Variants in KIF9 observed in about 807,000 individuals in gnomAD.
KIF9 encodes kinesin family member 9, also known as kinesin-like protein KIF9.
Under a neutral mutation model 94.8 loss-of-function variants are expected in KIF9, and 68 were observed. The observed-to-expected ratio is 0.72, with a 90% CI of 0.59 to 0.88. The LOEUF (loss-of-function observed/expected upper bound fraction) is 0.88, where lower values mean the gene tolerates loss of function less well. KIF9 is among the 40% of genes least tolerant of loss of function. The pLI, the probability that KIF9 is intolerant of heterozygous loss-of-function variation, is 0.00. For synonymous variants in KIF9, 343 were observed against 362.1 expected (o/e 0.95, Z 0.60); for missense variants, 882 against 982.5 (o/e 0.90, Z 1.37).
chr3:47,241,884 A>ATATATTT, intron 16 of KIF9, among the ~76,000 whole-genome samples: 1 of 114,292 alleles, frequency 8.7e-6, no homozygotes, highest in African/African-American at 3.6e-5. Context: ...ATATATATAT[A>ATATATTT]TTTTTTTTTT....
chr3:47,257,013 C>G (rs1700660109), intron 10 of KIF9, among the ~76,000 whole-genome samples: 1 of 152,122 alleles, frequency 6.6e-6, no homozygotes, highest in African/African-American at 2.4e-5. Context: ...TGCGGAAGGC[C>G]AGAGGGTCCT....
intron 10 of KIF9, among the ~76,000 whole-genome samples, chr3:47,249,076 C>T (rs1440586602): frequency 6.6e-6 from 1 of 151,298 alleles, no homozygotes; most frequent in African/African-American, 2.4e-5. Flanking sequence ...CTCATCCTTT[C>T]ACCCTCATCC....
chr3:47,228,254 C>G lies in KIF9; in HGVS notation c.*398G>C, dbSNP rs567088519. The G allele has an allele frequency of 9.5e-4, 161 of 169,762 alleles. No homozygotes were observed. Among genetic ancestry groups the G allele is most frequent in the East Asian group, 1.2e-3 (7 of 5,878 alleles). The allele number at this position is 169,762 out of a possible 1,614,324, so 10.5% of individuals were successfully genotyped here. On this transcript the variant is annotated 3_prime_UTR_variant, in exon 21 of 21. Coordinates refer to ENST00000684063, the MANE Select transcript of KIF9 (RefSeq NM_182902.4). ...ATGTCTATCCAGGAAAGGGGCTGAC[C>G]AGTGTGACAAAGGCCTGCCAGGAGG...
chr3:47,271,650 A>G (rs1701655900), intron 4 of KIF9, among the ~76,000 whole-genome samples, 189 bp from the exon 5 acceptor site: 1 of 152,184 alleles, frequency 6.6e-6, no homozygotes. Context: ...TAACACTTAA[A>G]CCATCTCACG....
intron 10 of KIF9, among the ~76,000 whole-genome samples, chr3:47,251,126 C>T (rs1025986651): frequency 6.6e-6 from 1 of 152,232 alleles, no homozygotes; most frequent in Non-Finnish European, 1.5e-5. Flanking sequence ...TCTCACCTGT[C>T]CACATGCCAT....
At chr3:47,248,766 A>T (rs1700085199) in intron 10 of KIF9, among the ~76,000 whole-genome samples, 1 of 152,010 alleles carries the variant, frequency 6.6e-6, no homozygotes, top group Admixed American at 6.6e-5. Context: ...TTTTTAGAGA[A>T]AGGCTCTTGC....
chr3:47,231,186 T>A (rs1698545830), intron 20 of KIF9, among the ~76,000 whole-genome samples: 1 of 151,990 alleles, frequency 6.6e-6, no homozygotes, highest in Admixed American at 6.6e-5. Flanking sequence ...GGAGGCAGTA[T>A]GCAAAAAGAT....
chr3:47,244,990 C>T lies in KIF9; in HGVS notation c.1381-66G>A, dbSNP rs368229234. The T allele has an allele frequency of 2.5e-6, 4 of 1,591,844 alleles. No homozygotes were observed. The African/African-American group carries it at 4.0e-5, about 16-fold the overall frequency. ...AGGGCTTGGACCCCTTGGGGACCCA[C>T]ATGTATATGGCCCAAGGCTCAGGGT... On this transcript the variant is annotated intron_variant, in intron 14 of 20. Transcript: ENST00000684063.
At chr3:47,241,253 GAAAC>G (rs542051094) in intron 16 of KIF9, among the ~76,000 whole-genome samples, 3 of 151,826 alleles carry the variant, frequency 2.0e-5, no homozygotes, top group Non-Finnish European at 4.4e-5. Flanking sequence ...AAAAGTATAA[GAAAC>G]AAACAACAAT....
intron 17 of KIF9, among the ~76,000 whole-genome samples, chr3:47,238,237 T>G (rs912092251): frequency 2.6e-5 from 4 of 152,176 alleles, no homozygotes; most frequent in Non-Finnish European, 4.4e-5. Context: ...TTGATTGATT[T>G]GACAGGGCCT....
rs1700047830 is a variant in KIF9 at position 47,248,160 on chromosome 3, A to G, written c.1060-74T>C. 4 of 1,088,570 alleles carry G rather than the reference A, an allele frequency of 3.7e-6. No individual in the cohort carries two copies. The South Asian group carries it at 5.4e-5, about 15-fold the overall frequency. 67.4% of individuals were successfully genotyped at this position (1,088,570 alleles called of 1,614,324 possible). A position where few individuals can be genotyped will look rare whatever the true frequency, so the allele number is the denominator to read the frequency against. ...GAAGCTACCCTGTCTCTTCCACAGC[A>G]AAAGTACAATTCCTCATTCTGTGCC... On this transcript the variant is annotated intron_variant, in intron 10 of 20. Transcript: ENST00000684063.
chr3:47,279,733 C>T (rs1702212098), intron 1 of KIF9, among the ~76,000 whole-genome samples: 3 of 151,710 alleles, frequency 2.0e-5, no homozygotes, highest in Non-Finnish European at 2.9e-5. Flanking sequence ...TCTCCTGCCT[C>T]AGCCTCCCGA....
chr3:47,246,195 A>G lies in KIF9; in HGVS notation c.1289+2T>C. 1.2e-6 allele frequency: 2 copies of G among 1,612,808 alleles called. No homozygotes were observed. The highest frequency in any genetic ancestry group is 1.7e-6 in the Non-Finnish European group (2 of 1,179,236). On this transcript the variant is annotated splice_donor_variant, in intron 13 of 20. Transcript: ENST00000684063. LOFTEE classifies it high-confidence loss of function. ...AATGAGGTAGGGGTGGGGGTCTCTC[A>G]CCTCAGAACCACCCGGAACTGGTTG... is the stretch of plus-strand genomic sequence containing the variant.
At position 47,264,343 on chromosome 3, in the gene KIF9, G is replaced by A. The variant is rs541184403; in HGVS notation, c.924C>T (p.Asn308=). ...TGTTTGTCACGAGGACCATATTGCA[G>A]TTTCCCCCTGCGGAAAGCAAGACAC... The part of the protein sequence containing the change: ...THALKDSLGG[N]CNMVLVTNIY... Residue 308 remains asparagine (N), a synonymous_variant, in exon 9 of 21, where the codon AAC becomes AAT. Transcript: ENST00000684063. 149 of 1,613,374 alleles carry A rather than the reference G, an allele frequency of 9.2e-5. No homozygotes were observed. The highest frequency in any genetic ancestry group is 1.3e-4 in the Non-Finnish European group (149 of 1,179,440).
chr3:47,235,829 A>C (rs1698982196), intron 19 of KIF9, among the ~76,000 whole-genome samples: 1 of 152,202 alleles, frequency 6.6e-6, no homozygotes, highest in African/African-American at 2.4e-5. Flanking sequence ...CTGCTTTAGA[A>C]AGGTGGCAGT....
chr3:47,249,018 G>A (rs1392191683), intron 10 of KIF9, among the ~76,000 whole-genome samples: 1 of 152,094 alleles, frequency 6.6e-6, no homozygotes, highest in East Asian at 1.9e-4. Context: ...TTACAGATGT[G>A]AGCCACTGTG....
Position 47,256,912 on chromosome 3 carries a change from G to C in KIF9, c.1059+571C>G, listed in dbSNP as rs373713579. Among the ~76,000 whole-genome samples the C allele has an allele frequency of 2.0e-5, 3 of 152,298 alleles. No individual in the cohort carries two copies. In the East Asian group the frequency reaches 5.8e-4, roughly 29 times the overall value. ...GTTAAATGGATTAAGGGCGGTGCAA[G>C]ATGTGCTTTGTTAAACAGATGCTTG... On this transcript the variant is annotated intron_variant, in intron 10 of 20. Coordinates refer to ENST00000684063, the MANE Select transcript of KIF9 (RefSeq NM_182902.4).
intron 9 of KIF9, among the ~76,000 whole-genome samples, chr3:47,261,696 T>G (rs116252905): frequency 0.011 from 1,637 of 152,298 alleles, 13 homozygotes; most frequent in Non-Finnish European, 0.019. Flanking sequence ...CTGACAGATC[T>G]CACATCTTCT....
chr3:47,282,362 G>C (rs1261057572), intron 1 of KIF9, 133 bp downstream of exon 1: 1 of 985,840 alleles, frequency 1.0e-6, no homozygotes, highest in Non-Finnish European at 1.2e-6. Flanking sequence ...TCCTTCGCCT[G>C]GGTTTCAGAG....
Sources: allele counts gnomAD v4.1 joint callset (sites outside exome capture counted in the v4.1 genomes callset), GRCh38; gene constraint gnomAD v4.1.1; transcripts MANE v1.5; gene names NCBI Gene and HGNC (gene_info 2026-07-23, HGNC 2026-07-21).